Variants in VSTM4 observed in about 807,000 individuals in gnomAD.
VSTM4 encodes the protein V-set and transmembrane domain-containing protein 4.
A neutral mutation model predicts 36.4 loss-of-function variants in VSTM4; 20 were observed. That is an observed-to-expected ratio of 0.55 (90% confidence interval 0.39 to 0.80). VSTM4 has a LOEUF of 0.80. Ranked by LOEUF, VSTM4 falls within the 30% of genes least tolerant of loss-of-function variation. VSTM4 has a pLI of 0.00. For missense variants in VSTM4, 392 were observed against 404.5 expected (o/e 0.97, Z 0.26); for synonymous variants, 182 against 173.9 (o/e 1.05, Z -0.37).
intron 2 of VSTM4, among the ~76,000 whole-genome samples, chr10:49,106,548 G>T (rs1844786058): frequency 6.6e-6 from 1 of 152,218 alleles, no homozygotes; most frequent in Non-Finnish European, 1.5e-5. Flanking sequence ...GGCTACCCCT[G>T]GTCCTCTGCC....
chr10:49,091,021 A>G (rs1844464202), intron 2 of VSTM4, among the ~76,000 whole-genome samples: 1 of 152,164 alleles, frequency 6.6e-6, no homozygotes, highest in Non-Finnish European at 1.5e-5. Context: ...AAAGGCGAAC[A>G]GGCAGGACAA....
Position 49,030,880 on chromosome 10 carries a change from T to C in VSTM4, c.838-11105A>G, listed in dbSNP as rs907552166. Among the ~76,000 whole-genome samples, 4 of 152,282 alleles carry C rather than the reference T, an allele frequency of 2.6e-5. No individual in the cohort carries two copies. In the South Asian group the frequency reaches 8.3e-4, roughly 32 times the overall value. ...GCCTGTCAATGTCACCAACATATGT[T>C]TTGGAAGCTAAAATGTGATTATAGA... On this transcript the variant is annotated intron_variant, in intron 7 of 7. Transcript: ENST00000332853.
chr10:49,046,796 C>T (rs1221215403), intron 7 of VSTM4, among the ~76,000 whole-genome samples, 187 bp downstream of exon 7: 1 of 152,148 alleles, frequency 6.6e-6, no homozygotes, highest in East Asian at 1.9e-4. Flanking sequence ...TAAAGAGTTA[C>T]TCTGGGAACT....
At chr10:49,114,142 C>G (rs2132034452) in intron 1 of VSTM4, among the ~76,000 whole-genome samples, 1 of 152,222 alleles carries the variant, frequency 6.6e-6, no homozygotes, top group East Asian at 1.9e-4. Context: ...ATCATTTTTC[C>G]AGCCGAGACA....
intron 2 of VSTM4, among the ~76,000 whole-genome samples, chr10:49,101,361 T>C (rs1324362890): frequency 7.8e-6 from 1 of 127,950 alleles, no homozygotes; most frequent in African/African-American, 2.9e-5. Context: ...AAATTAATGA[T>C]CAGATCTACA....
At chr10:49,113,072 G>A (rs536003146) in intron 1 of VSTM4, among the ~76,000 whole-genome samples, 42 of 152,292 alleles carry the variant, frequency 2.8e-4, no homozygotes, top group African/African-American at 9.1e-4. Context: ...GGATGTGCTC[G>A]TAGCTGTGTG....
At chr10:49,106,613 T>C (rs1023710899) in intron 2 of VSTM4, among the ~76,000 whole-genome samples, 6 of 152,226 alleles carry the variant, frequency 3.9e-5, no homozygotes, top group African/African-American at 7.2e-5. Context: ...TCAGTTCCAC[T>C]GGGCAACCAG....
intron 2 of VSTM4, chr10:49,102,687 G>A: frequency 1.0e-6 from 1 of 985,286 alleles, no homozygotes; most frequent in Non-Finnish European, 1.2e-6. Flanking sequence ...TCCCAGAGAG[G>A]GTGACTACAT....
intron 5 of VSTM4, among the ~76,000 whole-genome samples, chr10:49,049,747 A>G (rs895428332): frequency 1.6e-5 from 2 of 122,624 alleles, no homozygotes; most frequent in African/African-American, 5.5e-5. Context: ...GTTAAAGTAT[A>G]CTGACTTCTT....
chr10:49,104,465 G>A (rs1191887224), intron 2 of VSTM4, among the ~76,000 whole-genome samples: 1 of 152,192 alleles, frequency 6.6e-6, no homozygotes, highest in Non-Finnish European at 1.5e-5. Context: ...GCTCTGCACA[G>A]CCCCAGCCTG....
At chr10:49,057,169 C>G (rs1241736325) in intron 5 of VSTM4, among the ~76,000 whole-genome samples, 1 of 152,120 alleles carries the variant, frequency 6.6e-6, no homozygotes, top group Non-Finnish European at 1.5e-5. Context: ...ACCTCCAACA[C>G]TGGAAACTAC....
At chr10:49,086,152 G>A (rs1844367383) in intron 2 of VSTM4, 129 bp from the exon 3 acceptor site, 1 of 562,480 alleles carries the variant, frequency 1.8e-6, no homozygotes, top group Non-Finnish European at 3.1e-6. Context: ...ACATGTTAGG[G>A]AGGGGTGCAA....
At chr10:49,046,859 T>C in intron 7 of VSTM4, 124 bp downstream of exon 7, 1 of 963,226 alleles carries the variant, frequency 1.0e-6, no homozygotes, top group Non-Finnish European at 1.6e-6. Flanking sequence ...AGAGAATGTT[T>C]TTGTTTGGGG....
chr10:49,073,765 C>G (rs1200728709), intron 4 of VSTM4, among the ~76,000 whole-genome samples: 7 of 152,184 alleles, frequency 4.6e-5, no homozygotes, highest in Non-Finnish European at 7.3e-5. Flanking sequence ...ATAGGAAAGT[C>G]CACAAATGAA....
At chr10:49,078,201 C>T (rs568799892) in intron 3 of VSTM4, among the ~76,000 whole-genome samples, 10 of 152,294 alleles carry the variant, frequency 6.6e-5, no homozygotes, top group Admixed American at 2.0e-4. Context: ...GTCACTCAGA[C>T]GTGGCTGGTG....
chr10:49,082,745 T>C (rs946412202), intron 3 of VSTM4, among the ~76,000 whole-genome samples: 1 of 152,228 alleles, frequency 6.6e-6, no homozygotes, highest in Non-Finnish European at 1.5e-5. Flanking sequence ...TCATGTTACA[T>C]TCCCTTTCTC....
chr10:49,059,924 T>G (rs1477649308), intron 5 of VSTM4, among the ~76,000 whole-genome samples: 2 of 152,200 alleles, frequency 1.3e-5, no homozygotes, highest in African/African-American at 2.4e-5. Flanking sequence ...TCTCCATAAA[T>G]GTACCTTTTC....
At chr10:49,078,602 A>C (rs1259022239) in intron 3 of VSTM4, among the ~76,000 whole-genome samples, 1 of 152,112 alleles carries the variant, frequency 6.6e-6, no homozygotes, top group Non-Finnish European at 1.5e-5. Context: ...ATATGACAAA[A>C]TTATAGAAAT....
intron 5 of VSTM4, among the ~76,000 whole-genome samples, chr10:49,053,002 T>C (rs1445632367): frequency 6.6e-6 from 1 of 152,114 alleles, no homozygotes; most frequent in African/African-American, 2.4e-5. Flanking sequence ...GCAGGACTGG[T>C]CGGAATATTT....
Sources: gnomAD v4.1 joint callset for allele counts (sites outside exome capture counted in the v4.1 genomes callset) on GRCh38, gnomAD v4.1.1 for gene constraint, MANE v1.5 for transcripts, NCBI Gene and HGNC (gene_info 2026-07-23, HGNC 2026-07-21) for gene names.